SEC63: variants seen among roughly 807,000 people sequenced by gnomAD.
The protein encoded by SEC63 is translocation protein SEC63 homolog.
SEC63 carries 56 observed loss-of-function variants against 116.2 expected under a neutral mutation model. The observed-to-expected ratio is 0.48, with a 90% confidence interval of 0.39 to 0.60. The LOEUF is 0.60. Ranked by LOEUF, SEC63 falls within the 20% of genes least tolerant of loss-of-function variation. SEC63 has a pLI of 0.00. For synonymous variants in SEC63, 273 were observed against 294.6 expected, an observed-to-expected ratio of 0.93 and a Z score of 0.75; for missense variants, 668 against 900.0, an observed-to-expected ratio of 0.74 and a Z score of 3.30.
chr6:107,874,242 A>T (rs186049300), intron 19 of SEC63, among the ~76,000 whole-genome samples: 1 of 152,312 alleles, frequency 6.6e-6, no homozygotes, highest in Non-Finnish European at 1.5e-5. Context: ...ATTAAATGAT[A>T]TTCTACAAAA....
intron 1 of SEC63, among the ~76,000 whole-genome samples, chr6:107,937,468 G>C (rs900698948): frequency 2.6e-5 from 4 of 152,160 alleles, no homozygotes; most frequent in African/African-American, 9.7e-5. Context: ...AGACACCTGG[G>C]TTGGTACCAT....
intron 1 of SEC63, among the ~76,000 whole-genome samples, chr6:107,956,418 T>G (rs564990711): frequency 1.3e-5 from 2 of 152,300 alleles, no homozygotes; most frequent in Admixed American, 1.3e-4. Context: ...GCATTAAGAC[T>G]TCACTTATAC....
chr6:107,911,158 C>A (rs998494306), intron 7 of SEC63, 188 bp downstream of exon 7: 2 of 604,686 alleles, frequency 3.3e-6, no homozygotes, highest in African/African-American at 1.9e-5. Context: ...GAGGTGGGGT[C>A]ATGGCTCACC....
At chr6:107,891,198 A>T (rs1237641784) in intron 16 of SEC63, among the ~76,000 whole-genome samples, 2 of 152,152 alleles carry the variant, frequency 1.3e-5, no homozygotes, top group Admixed American at 6.5e-5. Flanking sequence ...ACTTTCAGGT[A>T]TACCAATCAA....
chr6:107,875,514 T>A (rs1215753504), intron 19 of SEC63, among the ~76,000 whole-genome samples: 2 of 152,094 alleles, frequency 1.3e-5, no homozygotes, highest in Non-Finnish European at 1.5e-5. Context: ...CTAGGCAACA[T>A]GGGTAAACCC....
intron 8 of SEC63, among the ~76,000 whole-genome samples, chr6:107,907,528 G>T (rs187946703): frequency 6.6e-6 from 1 of 152,204 alleles, no homozygotes; most frequent in Non-Finnish European, 1.5e-5. Context: ...GTTGTGGTGA[G>T]CTGAGATTGT....
intron 1 of SEC63, among the ~76,000 whole-genome samples, chr6:107,931,351 C>CA: frequency 6.6e-6 from 1 of 150,708 alleles, no homozygotes; most frequent in East Asian, 2.0e-4. Context: ...TCAACAACAA[C>CA]AAAAAAAGCT....
At chr6:107,874,786 C>A (rs920672134) in intron 19 of SEC63, among the ~76,000 whole-genome samples, 1 of 152,086 alleles carries the variant, frequency 6.6e-6, no homozygotes. Context: ...AGTGATCCTC[C>A]TGCCTCAGCC....
rs767526073 is a variant in SEC63, at chr6:107,872,945, A to C, written c.2035-33T>G. On this transcript the variant is annotated intron_variant, in intron 19 of 20. Transcript: ENST00000369002. ...ATAAAATCAGCACTTAAAAATCTGT[A>C]TTATGGGGAGGAAACAGCTCACTCC... 38 of 1,378,212 alleles carry C rather than the reference A, an allele frequency of 2.8e-5. No homozygotes were observed. The Middle Eastern group carries it at 1.4e-3, about 51-fold the overall frequency. 85.4% of individuals were successfully genotyped at this position (1,378,212 alleles called of 1,614,324 possible). A position where few individuals can be genotyped will look rare whatever the true frequency, so the allele number is the denominator to read the frequency against.
Position 107,921,915 on chromosome 6 carries a change from GAAAAACA to G in SEC63, c.340-13_340-7del, listed in dbSNP as rs769701904. 3.0e-3 allele frequency: 3,285 copies of G among 1,096,408 alleles called. 62 individuals are homozygous for G. Among genetic ancestry groups the G allele is most frequent in the South Asian group, 3.3e-3 (226 of 69,028 alleles). The allele number at this position is 1,096,408 out of a possible 1,614,324, so 67.9% of individuals were successfully genotyped here. A position where few individuals can be genotyped will look rare whatever the true frequency, so the allele number is the denominator to read the frequency against. ...ATTTCTGCTACTGTGGCTCCCTGGG[GAAAAACA>G]AAAAAAAAAAACAAGCTTTCTGTTA... On this transcript the variant is annotated splice_region_variant and splice_polypyrimidine_tract_variant and intron_variant, in intron 3 of 20. Coordinates refer to ENST00000369002, the MANE Select transcript of SEC63 (RefSeq NM_007214.5).
At chr6:107,942,429 T>C (rs1225922743) in intron 1 of SEC63, among the ~76,000 whole-genome samples, 1 of 152,222 alleles carries the variant, frequency 6.6e-6, no homozygotes, top group Non-Finnish European at 1.5e-5. Flanking sequence ...GGAGGCACTA[T>C]ATAAATATTT....
Position 107,897,637 on chromosome 6 carries a change from T to TA in SEC63, c.1440+11dup, listed in dbSNP as rs772843300. On this transcript the variant is annotated intron_variant, in intron 14 of 20. Transcript: ENST00000369002. ...AACTCTTAAAGCATAAAAATACAGA[T>TA]AGACTACTTACAGCCATTGTTTGCC... 5 of 1,515,058 alleles carry TA rather than the reference T, an allele frequency of 3.3e-6. No individual in the cohort carries two copies. The South Asian group carries it at 5.6e-5, about 17-fold the overall frequency. 93.9% of individuals were successfully genotyped at this position (1,515,058 alleles called of 1,614,324 possible).
Position 107,917,358 on chromosome 6 carries a change from C to T in SEC63, c.453-3931G>A, listed in dbSNP as rs528329832. 3.3e-5 allele frequency among the ~76,000 whole-genome samples: 5 copies of T among 152,268 alleles called. No individual in the cohort carries two copies. In the East Asian group the frequency reaches 9.7e-4, roughly 29 times the overall value. On this transcript the variant is annotated intron_variant, in intron 4 of 20. Coordinates refer to ENST00000369002, the MANE Select transcript of SEC63 (RefSeq NM_007214.5). The stretch of plus-strand genomic sequence containing the variant: ...CTGTGAGACCCCTAATTTCCCACTT[C>T]ACACCTCTCTATTTCTGTATGTGTG...
intron 8 of SEC63, 50 bp downstream of exon 8, chr6:107,908,877 A>G: frequency 9.9e-7 from 1 of 1,014,658 alleles, no homozygotes; most frequent in Non-Finnish European, 1.5e-6. Context: ...AACCCCACAT[A>G]AGTCACAAAA....
intron 1 of SEC63, among the ~76,000 whole-genome samples, chr6:107,935,566 C>T (rs1177896725): frequency 1.4e-5 from 2 of 141,522 alleles, no homozygotes; most frequent in East Asian, 4.0e-4. Context: ...GCAAGATGTG[C>T]TTTGTTAAAC....
At chr6:107,953,336 A>G (rs955688361) in intron 1 of SEC63, among the ~76,000 whole-genome samples, 8 of 152,266 alleles carry the variant, frequency 5.3e-5, no homozygotes, top group African/African-American at 1.9e-4. Flanking sequence ...TTTACTTAAA[A>G]TCCTTAAGAA....
chr6:107,898,947 TG>T (rs1383888699), intron 13 of SEC63, among the ~76,000 whole-genome samples: 2 of 152,206 alleles, frequency 1.3e-5, no homozygotes, highest in African/African-American at 4.8e-5. Flanking sequence ...GTGCAGCAGC[TG>T]GGTATCAACA....
intron 1 of SEC63, 23 bp from the exon 2 acceptor site, chr6:107,929,537 T>A (rs1213646479): frequency 7.0e-7 from 1 of 1,419,596 alleles, no homozygotes; most frequent in South Asian, 1.2e-5. Context: ...AAAAATAAGA[T>A]GAATTAAAAA....
At chr6:107,918,549 A>G (rs1349075760) in intron 4 of SEC63, among the ~76,000 whole-genome samples, 1 of 152,030 alleles carries the variant, frequency 6.6e-6, no homozygotes, top group Non-Finnish European at 1.5e-5. Context: ...ATAATTTGCC[A>G]GGCATGGTGG....
Sources: gnomAD v4.1 joint callset for allele counts (sites outside exome capture counted in the v4.1 genomes callset) on GRCh38, gnomAD v4.1.1 for gene constraint, MANE v1.5 for transcripts, NCBI Gene and HGNC (gene_info 2026-07-23, HGNC 2026-07-21) for gene names.